The following ZZZ3 variants were observed in gnomAD, a reference collection of about 807,000 sequenced individuals.
ZZZ3 encodes the protein ZZ-type zinc finger-containing protein 3.
ZZZ3 carries 22 observed loss-of-function variants against 95.2 expected under a neutral mutation model. The observed-to-expected ratio is 0.23, with a 90% CI of 0.17 to 0.33. ZZZ3 has a LOEUF of 0.33. Among genes scored for constraint, ZZZ3 ranks in the 10% least tolerant of loss-of-function variants. The pLI, the probability that ZZZ3 is intolerant of heterozygous loss-of-function variation, is 1.00. For missense variants in ZZZ3, 885 were observed against 1,066.5 expected, an observed-to-expected ratio of 0.83 and a Z score of 2.37; for synonymous variants, 335 against 358.9, an observed-to-expected ratio of 0.93 and a Z score of 0.75.
chr1:77,606,323 G>C (rs1245703249), intron 5 of ZZZ3, among the ~76,000 whole-genome samples: 1 of 152,326 alleles, frequency 6.6e-6, no homozygotes, highest in East Asian at 1.9e-4. Context: ...GGCTGCAGGA[G>C]AATAGAACAC....
intron 1 of ZZZ3, among the ~76,000 whole-genome samples, chr1:77,647,926 A>AAAGC (rs1669441845): frequency 6.6e-6 from 1 of 152,206 alleles, no homozygotes; most frequent in Non-Finnish European, 1.5e-5. Flanking sequence ...ACAAAGATGA[A>AAAGC]AAGCAAGCCT....
intron 12 of ZZZ3, among the ~76,000 whole-genome samples, chr1:77,573,837 A>G (rs909331647): frequency 6.6e-6 from 1 of 152,054 alleles, no homozygotes; most frequent in Non-Finnish European, 1.5e-5. Context: ...CTATATAATC[A>G]GAGTATTAAG....
At chr1:77,618,124 A>C (rs1666492312) in intron 5 of ZZZ3, among the ~76,000 whole-genome samples, 2 of 152,028 alleles carry the variant, frequency 1.3e-5, no homozygotes, top group Middle Eastern at 6.8e-3. Context: ...AATTTTACCC[A>C]AAAAGCTAAA....
rs908778225 is a variant in ZZZ3, at chr1:77,578,822, G to A, written c.2130C>T (p.Gly710=). 3.8e-6 allele frequency: 6 copies of A among 1,576,654 alleles called. No homozygotes were observed. The highest frequency in any genetic ancestry group is 1.9e-5 in the Admixed American group (1 of 53,574). Residue 710 remains glycine, a synonymous_variant, in exon 11 of 15, where the codon GGC becomes GGT. Transcript: ENST00000370801. ...QKYFIKLTKA[G]IPVPGRTPNL... ...TTGGTGTTCTGCCTGGTACTGGAATGCCAGCTTTAGTTAGCTTTATGAAAT... is the reference window on the plus strand; with the variant it reads ...TTGGTGTTCTGCCTGGTACTGGAATACCAGCTTTAGTTAGCTTTATGAAAT...
intron 5 of ZZZ3, among the ~76,000 whole-genome samples, chr1:77,616,556 C>A (rs1666333572): frequency 6.6e-6 from 1 of 152,130 alleles, no homozygotes; most frequent in African/African-American, 2.4e-5. Flanking sequence ...CTCTATGCAT[C>A]TCTACTGGTA....
chr1:77,646,193 C>T (rs956243005), intron 1 of ZZZ3, among the ~76,000 whole-genome samples: 1 of 151,910 alleles, frequency 6.6e-6, no homozygotes, highest in Non-Finnish European at 1.5e-5. Flanking sequence ...ACCCAAATGC[C>T]TTCTAATTAG....
chr1:77,678,919 GA>G (rs1672504668), intron 1 of ZZZ3, among the ~76,000 whole-genome samples: 1 of 152,078 alleles, frequency 6.6e-6, no homozygotes, highest in Non-Finnish European at 1.5e-5. Flanking sequence ...CAAATATACT[GA>G]AGTTCCAAAA....
At chr1:77,627,541 G>C (rs926258891) in intron 5 of ZZZ3, among the ~76,000 whole-genome samples, 3 of 152,110 alleles carry the variant, frequency 2.0e-5, no homozygotes, top group African/African-American at 7.2e-5. Flanking sequence ...TCAAATGTTT[G>C]TTTAATCAAC....
chr1:77,614,704 G>A (rs750721285), intron 5 of ZZZ3, among the ~76,000 whole-genome samples: 3 of 151,906 alleles, frequency 2.0e-5, no homozygotes, highest in Admixed American at 1.3e-4. Flanking sequence ...ATATACAGGG[G>A]AATATGTTAC....
intron 5 of ZZZ3, among the ~76,000 whole-genome samples, chr1:77,606,580 G>A (rs2100705230): frequency 6.6e-6 from 1 of 152,298 alleles, no homozygotes; most frequent in South Asian, 2.1e-4. Context: ...CAGTCCCAGT[G>A]GTGGTGGCCA....
At chr1:77,623,214 T>A (rs2100799803) in intron 5 of ZZZ3, among the ~76,000 whole-genome samples, 1 of 152,016 alleles carries the variant, frequency 6.6e-6, no homozygotes, top group South Asian at 2.1e-4. Context: ...AACAGGGAGG[T>A]GTGTTGCTCA....
chr1:77,660,359 G>A (rs278850), intron 1 of ZZZ3, among the ~76,000 whole-genome samples: 63,729 of 151,916 alleles, frequency 0.42, 15,558 homozygotes, highest in African/African-American at 0.68. Flanking sequence ...GAAACTCTAC[G>A]CTCCTTAAAC....
chr1:77,575,849 A>G (rs1661876311), intron 12 of ZZZ3, among the ~76,000 whole-genome samples: 1 of 152,222 alleles, frequency 6.6e-6, no homozygotes, highest in Admixed American at 6.5e-5. Context: ...GTAGAGATTA[A>G]AATAAGGTAG....
chr1:77,585,510 A>G (rs1376351981), intron 5 of ZZZ3, among the ~76,000 whole-genome samples: 1 of 152,224 alleles, frequency 6.6e-6, no homozygotes, highest in African/African-American at 2.4e-5. Flanking sequence ...ATTTTGCAAA[A>G]CAACTCAAGG....
intron 5 of ZZZ3, among the ~76,000 whole-genome samples, chr1:77,592,389 G>A (rs1663795087): frequency 6.6e-6 from 1 of 152,078 alleles, no homozygotes; most frequent in Non-Finnish European, 1.5e-5. Context: ...TGCAACCTCC[G>A]CCTCCCGGGT....
chr1:77,653,571 TGG>T (rs1307072612), intron 1 of ZZZ3, among the ~76,000 whole-genome samples: 1 of 151,620 alleles, frequency 6.6e-6, no homozygotes, highest in African/African-American at 2.4e-5. Context: ...CTGACCGACA[TGG>T]AGAAATCCTG....
At chr1:77,610,758 C>T (rs891312166) in intron 5 of ZZZ3, among the ~76,000 whole-genome samples, 2 of 151,582 alleles carry the variant, frequency 1.3e-5, no homozygotes, top group South Asian at 2.1e-4. Context: ...GTTTGACATC[C>T]CTTCATGATT....
intron 13 of ZZZ3, 44 bp from the exon 14 acceptor site, chr1:77,566,225 C>A: frequency 7.2e-7 from 1 of 1,388,844 alleles, no homozygotes; most frequent in South Asian, 1.3e-5. Flanking sequence ...TATACTGTTC[C>A]ACGATCTTTT....
intron 5 of ZZZ3, among the ~76,000 whole-genome samples, chr1:77,621,292 C>A (rs551066796): frequency 2.6e-5 from 4 of 151,522 alleles, no homozygotes; most frequent in African/African-American, 9.7e-5. Flanking sequence ...CCAGCCTGGG[C>A]AACACAGAAG....
Sources: gnomAD v4.1 joint callset for allele counts (sites outside exome capture counted in the v4.1 genomes callset) on GRCh38, gnomAD v4.1.1 for gene constraint, MANE v1.5 for transcripts, NCBI Gene and HGNC (gene_info 2026-07-23, HGNC 2026-07-21) for gene names.